NCR3LG1: variants seen among roughly 807,000 people sequenced by gnomAD.
NCR3LG1 encodes natural cytotoxicity triggering receptor 3 ligand 1.
Under a neutral mutation model 34.8 loss-of-function variants are expected in NCR3LG1, and 35 were observed. That is an observed-to-expected ratio of 1.01 (90% confidence interval 0.77 to 1.33). The LOEUF is 1.33. Among genes scored for constraint, NCR3LG1 ranks in the 40% most tolerant of loss-of-function variants. NCR3LG1 has a pLI of 0.00. For synonymous variants in NCR3LG1, 173 were observed against 163.6 expected (o/e 1.06, Z -0.44); for missense variants, 452 against 423.3 (o/e 1.07, Z -0.60).
At chr11:17,360,046 C>T (rs1953253482) in intron 2 of NCR3LG1, among the ~76,000 whole-genome samples, 1 of 152,082 alleles carries the variant, frequency 6.6e-6, no homozygotes, top group African/African-American at 2.4e-5. Context: ...GCTAGGACTA[C>T]AGGTGCACAT....
At position 17,367,242 on chromosome 11, in the gene NCR3LG1, C is replaced by G. The variant is rs2133358134; in HGVS notation, c.655C>G (p.Gln219Glu). 1 of 1,536,356 alleles carries G rather than the reference C, an allele frequency of 6.5e-7. No individual in the cohort carries two copies. The highest frequency in any genetic ancestry group is 8.7e-7 in the Non-Finnish European group (1 of 1,146,972). ...VTSCLKLNSS[Q>E]EDPGTVYQCV... ...TAGCTGCTTGAAGCTGAACTCCTCT[C>G]AGGAAGACCCTGGGACTGTCTACCA... The change falls in exon 3 of 5, where the codon CAG becomes GAG. Residue 219 changes from glutamine (Q) to glutamate (E), a missense_variant. Gln to Glu is a conservative substitution (Grantham distance 29). Transcript: ENST00000338965.
downstream of NCR3LG1, among the ~76,000 whole-genome samples, chr11:17,380,479 T>G (rs1173600182): frequency 6.6e-6 from 1 of 152,042 alleles, no homozygotes; most frequent in Non-Finnish European, 1.5e-5. Context: ...AATTATTATT[T>G]GTTTTTAGTA....
chr11:17,372,494 A>G lies in NCR3LG1; in HGVS notation c.1347A>G (p.Leu449=), dbSNP rs1171859674. 4 of 700,484 alleles carry G rather than the reference A, an allele frequency of 5.7e-6. No individual in the cohort carries two copies. In the Admixed American group the frequency reaches 8.0e-5, roughly 14 times the overall value. The allele number at this position is 700,484 out of a possible 1,614,324, so 43.4% of individuals were successfully genotyped here. A position where few individuals can be genotyped will look rare whatever the true frequency, so the allele number is the denominator to read the frequency against. Residue 449 remains leucine, a synonymous_variant, in exon 5 of 5, where the codon TTA becomes TTG. Coordinates refer to ENST00000338965, the MANE Select transcript of NCR3LG1 (RefSeq NM_001202439.3). The stretch of plus-strand genomic sequence containing the variant: ...TTCTATCCTCCCAACCCCCAACTTT[A>G]CTGTTACCCCTACAGTAAATGCCTG... ...TPVLSSQPPT[L]LLPLQ
Position 17,372,634 on chromosome 11 carries a change from A to G in NCR3LG1, c.*122A>G, listed in dbSNP as rs570158824. 3 of 593,956 alleles carry G rather than the reference A, an allele frequency of 5.1e-6. No individual in the cohort carries two copies. The East Asian group carries it at 8.3e-5, about 16-fold the overall frequency. 36.8% of individuals were successfully genotyped at this position (593,956 alleles called of 1,614,324 possible). A position where few individuals can be genotyped will look rare whatever the true frequency, so the allele number is the denominator to read the frequency against. On this transcript the variant is annotated 3_prime_UTR_variant, in exon 5 of 5. Transcript: ENST00000338965. ...CTGATAGATATATAGAGGCTTTCCA[A>G]AACCTAACTCAGGTGTTTGACCTTA...
At chr11:17,368,751 G>A in intron 3 of NCR3LG1, 116 bp from the exon 4 acceptor site, 1 of 712,290 alleles carries the variant, frequency 1.4e-6, no homozygotes, top group Non-Finnish European at 2.4e-6. Context: ...GAGGGCTGGT[G>A]GTTAAATCTC....
intron 2 of NCR3LG1, among the ~76,000 whole-genome samples, chr11:17,366,305 G>T (rs941675258): frequency 3.3e-5 from 5 of 152,114 alleles, no homozygotes; most frequent in Non-Finnish European, 7.3e-5. Context: ...CAAACATTCT[G>T]CAGGAAATAA....
chr11:17,371,505 C>T (rs963854153), intron 4 of NCR3LG1, among the ~76,000 whole-genome samples: 96 of 151,334 alleles, frequency 6.3e-4, no homozygotes, highest in African/African-American at 2.2e-3. Context: ...GGAGAACAGC[C>T]ATTCAATTTT....
chr11:17,379,481 C>T (rs1222144570), downstream of NCR3LG1, among the ~76,000 whole-genome samples: 1 of 152,156 alleles, frequency 6.6e-6, no homozygotes, highest in Non-Finnish European at 1.5e-5. Flanking sequence ...TGAAGGCGTG[C>T]CAGTTCCAAG....
chr11:17,362,737 TTTCTTTCTTTCTTTCTTTC>T (rs1953290278), intron 2 of NCR3LG1, among the ~76,000 whole-genome samples: 2 of 91,476 alleles, frequency 2.2e-5, no homozygotes, highest in African/African-American at 1.3e-4. Flanking sequence ...TCTTTCTTTC[TTTCTTTCTTTCTTTCTTTC>T]TTTCTTTCTT....
chr11:17,362,637 CTTT>C (rs760247874), intron 2 of NCR3LG1, among the ~76,000 whole-genome samples: 2 of 101,616 alleles, frequency 2.0e-5, no homozygotes, highest in African/African-American at 8.0e-5. Flanking sequence ...TTTTCTTCTT[CTTT>C]TTTTTTTTTT....
chr11:17,363,516 C>T (rs1591682566), intron 2 of NCR3LG1, among the ~76,000 whole-genome samples: 1 of 84,814 alleles, frequency 1.2e-5, no homozygotes, highest in Non-Finnish European at 2.2e-5. Flanking sequence ...CCCTCCCTCC[C>T]TCCCTCCCTC....
In NCR3LG1 at chr11:17,369,256, C is replaced by G. The variant is rs138730636; in HGVS notation, c.858+292C>G. On this transcript the variant is annotated intron_variant, in intron 4 of 4. Transcript: ENST00000338965. The stretch of plus-strand genomic sequence containing the variant: ...TCCATACTAAACAAGTATTATATCT[C>G]TGTGAATGAACCAGACTTTAGTGTT... 3.3e-5 allele frequency among the ~76,000 whole-genome samples: 5 copies of G among 152,330 alleles called. No individual in the cohort carries two copies. The East Asian group carries it at 9.6e-4, about 29-fold the overall frequency.
chr11:17,355,753 G>A (rs1281694800), intron 1 of NCR3LG1, among the ~76,000 whole-genome samples: 1 of 152,068 alleles, frequency 6.6e-6, no homozygotes, highest in African/African-American at 2.4e-5. Context: ...TCTTTACGTG[G>A]TGGAGAGAGA....
At chr11:17,358,921 G>C (rs1953240186) in intron 2 of NCR3LG1, among the ~76,000 whole-genome samples, 1 of 151,990 alleles carries the variant, frequency 6.6e-6, no homozygotes, top group Non-Finnish European at 1.5e-5. Flanking sequence ...ATTTTGTTTT[G>C]TTTTATTATT....
Position 17,367,018 on chromosome 11 carries a change from C to A in NCR3LG1, c.431C>A (p.Ala144Asp), listed in dbSNP as rs766047065. ...TTTTTTTCCCTGACAGCTTCCCCAG[C>A]CAGCAGATTGTTGCTGGATCAAGTG... ...TVQLEVVASP[A>D]SRLLLDQVGM... Residue 144 changes from alanine (A) to aspartate (D), a missense_variant, in exon 3 of 5, where the codon GCC (alanine) becomes GAC (aspartate). Transcript: ENST00000338965. 83 of 1,530,696 alleles carry A rather than the reference C, an allele frequency of 5.4e-5. 1 individual carries two copies. The highest frequency in any genetic ancestry group is 9.6e-6 in the Non-Finnish European group (11 of 1,142,908). The allele number at this position is 1,530,696 out of a possible 1,614,324, so 94.8% of individuals were successfully genotyped here.
chr11:17,360,088 T>C (rs938839233), intron 2 of NCR3LG1, among the ~76,000 whole-genome samples: 10 of 152,056 alleles, frequency 6.6e-5, no homozygotes, highest in Non-Finnish European at 2.9e-5. Context: ...GTATTTTTTG[T>C]AGAGATAGGG....
Position 17,368,948 on chromosome 11 carries a change from T to C in NCR3LG1, c.842T>C (p.Leu281Ser), listed in dbSNP as rs1307462544. The change falls in exon 4 of 5, where the codon TTG becomes TCG. Residue 281 changes from leucine to serine, a missense_variant. Leu to Ser is a moderately radical substitution (Grantham distance 145, BLOSUM62 -2). Coordinates refer to ENST00000338965, the MANE Select transcript of NCR3LG1 (RefSeq NM_001202439.3). ...GTTGGACTGGTTTTATTAATTGTTTTGATTCCTTGGAAAAAGGTAAGGGGC... is the reference window on the plus strand; with the variant it reads ...GTTGGACTGGTTTTATTAATTGTTTCGATTCCTTGGAAAAAGGTAAGGGGC... ...IGVGLVLLIV[L>S]IPWKKICNKS... The C allele has an allele frequency of 1.3e-5, 20 of 1,533,020 alleles. No homozygotes were observed. Among genetic ancestry groups the C allele is most frequent in the Non-Finnish European group, 1.5e-5 (17 of 1,144,676 alleles). 95.0% of individuals were successfully genotyped at this position (1,533,020 alleles called of 1,614,324 possible).
At chr11:17,362,773 C>G (rs61043101) in intron 2 of NCR3LG1, among the ~76,000 whole-genome samples, 1 of 112,858 alleles carries the variant, frequency 8.9e-6, no homozygotes, top group African/African-American at 3.6e-5. Context: ...TCTTTCCTTC[C>G]TTCCTTCTTT....
At position 17,367,076 on chromosome 11, in the gene NCR3LG1, T is replaced by G. The variant is rs1591684516; in HGVS notation, c.489T>G (p.Cys163Trp). The part of the protein sequence containing the change: ...GMKENEDKYM[C>W]ESSGFYPEAI... ...AAGAGAATGAAGACAAATATATGTG[T>G]GAGTCAAGTGGGTTCTACCCAGAGG... is the stretch of plus-strand genomic sequence containing the variant. Residue 163 changes from cysteine (C) to tryptophan (W), a missense_variant, in exon 3 of 5, where the codon TGT (cysteine) becomes TGG (tryptophan). Coordinates refer to ENST00000338965, the MANE Select transcript of NCR3LG1 (RefSeq NM_001202439.3). 6.5e-7 allele frequency: 1 copy of G among 1,536,076 alleles called. No individual in the cohort carries two copies. Among genetic ancestry groups the G allele is most frequent in the East Asian group, 2.4e-5 (1 of 40,914 alleles).
Sources: gnomAD v4.1 joint callset for allele counts (sites outside exome capture counted in the v4.1 genomes callset) on GRCh38, gnomAD v4.1.1 for gene constraint, MANE v1.5 for transcripts, NCBI Gene and HGNC (gene_info 2026-07-23, HGNC 2026-07-21) for gene names.